Variants in MARCHF5 observed in about 807,000 individuals in gnomAD.
The protein encoded by MARCHF5 is E3 ubiquitin-protein ligase MARCHF5.
MARCHF5 carries 5 observed loss-of-function variants against 36.5 expected under a neutral mutation model. The observed-to-expected ratio is 0.14, with a 90% CI of 0.07 to 0.29. The LOEUF is 0.29. Ranked by LOEUF, MARCHF5 falls within the 10% of genes least tolerant of loss-of-function variation. The pLI is 1.00. For missense variants in MARCHF5, 179 were observed against 336.3 expected, an observed-to-expected ratio of 0.53 and a Z score of 3.66; for synonymous variants, 103 against 109.9, an observed-to-expected ratio of 0.94 and a Z score of 0.39.
intron 3 of MARCHF5, among the ~76,000 whole-genome samples, chr10:92,348,486 C>A (rs1242316549): frequency 6.6e-6 from 1 of 152,092 alleles, no homozygotes; most frequent in Non-Finnish European, 1.5e-5. Context: ...GAGACTCCAT[C>A]TCAAAAACAA....
At chr10:92,351,063 A>T (rs200733359) in intron 5 of MARCHF5, 28 bp from the exon 6 acceptor site, 1 of 1,277,652 alleles carries the variant, frequency 7.8e-7, no homozygotes, top group South Asian at 1.2e-5. Flanking sequence ...TCTGCATTAT[A>T]AAAAGCTAAT....
rs753307840 is a variant in MARCHF5, at chr10:92,353,743, T to A, written c.*2536T>A. 1 of 84,718 alleles carries A rather than the reference T, an allele frequency of 1.2e-5. No homozygotes were observed. The allele number at this position is 84,718 out of a possible 1,614,324, so 5.2% of individuals were successfully genotyped here. A position where few individuals can be genotyped will look rare whatever the true frequency, so the allele number is the denominator to read the frequency against. ...TTTTATAAAATTCAATGACGACTAC[T>A]AGAATTCTTTTCAAAAGTTAACTTA... On this transcript the variant is annotated 3_prime_UTR_variant, in exon 6 of 6. Coordinates refer to ENST00000358935, the MANE Select transcript of MARCHF5 (RefSeq NM_017824.5).
At chr10:92,298,870 C>CTTGTTTTCT (rs1488369781) in intron 1 of MARCHF5, among the ~76,000 whole-genome samples, 1 of 152,078 alleles carries the variant, frequency 6.6e-6, no homozygotes, top group Non-Finnish European at 1.5e-5. Context: ...ATAAGTTTTT[C>CTTGTTTTCT]TTGTTTTCTT....
intron 2 of MARCHF5, among the ~76,000 whole-genome samples, chr10:92,321,417 T>C (rs533628662): frequency 3.9e-5 from 6 of 152,132 alleles, no homozygotes; most frequent in Non-Finnish European, 8.8e-5. Context: ...TGGTTGATTT[T>C]CATATTAGAC....
chr10:92,348,456 TC>T (rs1345896845), intron 3 of MARCHF5, among the ~76,000 whole-genome samples: 2 of 152,038 alleles, frequency 1.3e-5, no homozygotes, highest in Admixed American at 1.3e-4. Flanking sequence ...ACCACTGCAC[TC>T]CAGCCTGGGC....
At chr10:92,350,979 G>A in intron 5 of MARCHF5, 112 bp from the exon 6 acceptor site, 1 of 640,324 alleles carries the variant, frequency 1.6e-6, no homozygotes, top group East Asian at 2.8e-5. Context: ...GCAGTCATCT[G>A]AATTAGTTTA....
chr10:92,307,614 G>C (rs1432025302), intron 1 of MARCHF5, among the ~76,000 whole-genome samples: 1 of 152,014 alleles, frequency 6.6e-6, no homozygotes, highest in East Asian at 1.9e-4. Context: ...AGTGGGTCAT[G>C]CCTGTAATCC....
intron 1 of MARCHF5, among the ~76,000 whole-genome samples, chr10:92,305,073 G>A (rs970099211): frequency 1.3e-5 from 2 of 152,132 alleles, no homozygotes; most frequent in Non-Finnish European, 2.9e-5. Context: ...AATGTTTACA[G>A]TGAGCATAAA....
intron 1 of MARCHF5, among the ~76,000 whole-genome samples, chr10:92,300,097 G>A (rs1183882285): frequency 6.6e-6 from 1 of 151,666 alleles, no homozygotes; most frequent in Non-Finnish European, 1.5e-5. Context: ...GGAGATTGAG[G>A]CTGCAGCAAG....
chr10:92,291,258 C>A lies in MARCHF5; in HGVS notation c.-237C>A. 1.8e-6 allele frequency: 1 copy of A among 540,622 alleles called. No individual in the cohort carries two copies. Among genetic ancestry groups the A allele is most frequent in the Non-Finnish European group, 3.2e-6 (1 of 311,258 alleles). 33.5% of individuals were successfully genotyped at this position (540,622 alleles called of 1,614,324 possible). ...GGCCGACGGACGGGAACCCGGGCCG[C>A]GATCGCCGCCTCCCCGCCTCAGGCT... On this transcript the variant is annotated 5_prime_UTR_variant, in exon 1 of 6. Transcript: ENST00000358935.
chr10:92,311,867 C>T (rs1843148847), intron 2 of MARCHF5, among the ~76,000 whole-genome samples: 1 of 152,016 alleles, frequency 6.6e-6, no homozygotes, highest in Non-Finnish European at 1.5e-5. Context: ...AAGAAATAAC[C>T]AAAGATCTTT....
At chr10:92,332,313 G>A (rs1843445130) in intron 2 of MARCHF5, among the ~76,000 whole-genome samples, 1 of 151,874 alleles carries the variant, frequency 6.6e-6, no homozygotes, top group Non-Finnish European at 1.5e-5. Context: ...GTAACTTACA[G>A]CGTAAGTTTG....
At chr10:92,337,370 C>T (rs1460108401) in intron 2 of MARCHF5, among the ~76,000 whole-genome samples, 33 of 151,868 alleles carry the variant, frequency 2.2e-4, no homozygotes, top group African/African-American at 5.5e-4. Flanking sequence ...CAAAATTAGC[C>T]GGGCGTGGTG....
At chr10:92,312,778 C>A (rs1013402452) in intron 2 of MARCHF5, among the ~76,000 whole-genome samples, 2 of 152,246 alleles carry the variant, frequency 1.3e-5, no homozygotes, top group African/African-American at 4.8e-5. Flanking sequence ...AAAACTACAT[C>A]AAGTTGACAA....
At chr10:92,328,790 C>T (rs1445336201) in intron 2 of MARCHF5, among the ~76,000 whole-genome samples, 2 of 142,376 alleles carry the variant, frequency 1.4e-5, no homozygotes, top group Non-Finnish European at 3.0e-5. Context: ...TAGATCTTGT[C>T]AGTGAGGTTA....
chr10:92,311,489 T>A, intron 2 of MARCHF5, 152 bp downstream of exon 2: 1 of 624,114 alleles, frequency 1.6e-6, no homozygotes. Context: ...AGACATTTAT[T>A]TCTTTTGCTA....
chr10:92,345,851 C>A lies in MARCHF5; in HGVS notation c.370-3498C>A, dbSNP rs150733434. ...CTGGGACTACATACACATGCCACCACGCCCTGCTAATTTTTGTATTTTTTG... is the reference window on the plus strand; with the variant it reads ...CTGGGACTACATACACATGCCACCAAGCCCTGCTAATTTTTGTATTTTTTG... On this transcript the variant is annotated intron_variant, in intron 3 of 5. Transcript: ENST00000358935. 3.2e-3 allele frequency among the ~76,000 whole-genome samples: 490 copies of A among 151,960 alleles called. 2 individuals are homozygous for A. Among genetic ancestry groups the A allele is most frequent in the African/African-American group, 0.011 (475 of 41,466 alleles).
In MARCHF5 at chr10:92,353,942, TTAAA is replaced by T. The variant is rs1378942183; in HGVS notation, c.*2740_*2743del. ...CTATCTCAATACTGGCTGGATTAGG[TTAAA>T]TAAAGAATTTTTATGTTCTCTAGGT... On this transcript the variant is annotated 3_prime_UTR_variant, in exon 6 of 6. Coordinates refer to ENST00000358935, the MANE Select transcript of MARCHF5 (RefSeq NM_017824.5). The T allele has an allele frequency of 6.6e-6, 1 of 152,616 alleles. No individual in the cohort carries two copies. The highest frequency in any genetic ancestry group is 1.5e-5 in the Non-Finnish European group (1 of 68,042). 9.5% of individuals were successfully genotyped at this position (152,616 alleles called of 1,614,324 possible).
chr10:92,299,109 A>G (rs960033222), intron 1 of MARCHF5, among the ~76,000 whole-genome samples: 8 of 151,950 alleles, frequency 5.3e-5, no homozygotes, highest in Non-Finnish European at 1.2e-4. Flanking sequence ...GGTATGAGCT[A>G]CCTTGCCCGG....
Sources: allele counts gnomAD v4.1 joint callset (sites outside exome capture counted in the v4.1 genomes callset), GRCh38; gene constraint gnomAD v4.1.1; transcripts MANE v1.5; gene names NCBI Gene and HGNC (gene_info 2026-07-23, HGNC 2026-07-21).